Variants in NTN4 observed in about 807,000 individuals in gnomAD.
NTN4 encodes the protein netrin-4.
NTN4 carries 32 observed loss-of-function variants against 73.6 expected under a neutral mutation model. The ratio of observed to expected loss-of-function variants is 0.44; its 90% CI spans 0.33 to 0.58. The LOEUF is 0.58. Ranked by LOEUF, NTN4 falls within the 20% of genes least tolerant of loss-of-function variation. The pLI is 0.04. For synonymous variants in NTN4, 258 were observed against 287.5 expected, an observed-to-expected ratio of 0.90 and a Z score of 1.04; for missense variants, 654 against 798.3, an observed-to-expected ratio of 0.82 and a Z score of 2.18.
intron 5 of NTN4, among the ~76,000 whole-genome samples, chr12:95,698,956 ATTATG>A (rs2078462596): frequency 6.6e-6 from 1 of 151,284 alleles, no homozygotes; most frequent in South Asian, 2.1e-4. Flanking sequence ...TAGTATGATT[ATTATG>A]TTATGACATA....
At position 95,707,159 on chromosome 12, in the gene NTN4, C is replaced by T. The variant is rs528847555; in HGVS notation, c.1180+3282G>A. ...GACCATGCCACTTCTCTGCTGAAAA[C>T]CCTTGCAGTGGCTCATCATTTTACT... On this transcript the variant is annotated intron_variant, in intron 5 of 9. Transcript: ENST00000343702. 5.1e-4 allele frequency among the ~76,000 whole-genome samples: 77 copies of T among 152,278 alleles called. 1 individual carries two copies. The South Asian group carries it at 0.015, about 30-fold the overall frequency.
At chr12:95,772,548 T>A (rs761518052) in intron 2 of NTN4, among the ~76,000 whole-genome samples, 21 of 152,168 alleles carry the variant, frequency 1.4e-4, no homozygotes, top group Non-Finnish European at 2.9e-4. Flanking sequence ...CTCCTACGTA[T>A]CTCCATTTGT....
intron 8 of NTN4, among the ~76,000 whole-genome samples, chr12:95,669,222 AG>A (rs2078207439): frequency 6.6e-6 from 1 of 151,942 alleles, no homozygotes; most frequent in Non-Finnish European, 1.5e-5. Context: ...AAAAAAAAAA[AG>A]TCTCAGACAC....
intron 9 of NTN4, among the ~76,000 whole-genome samples, chr12:95,660,245 C>T (rs1005008765): frequency 6.6e-6 from 1 of 152,026 alleles, no homozygotes; most frequent in Non-Finnish European, 1.5e-5. Context: ...GAACTCCTGA[C>T]CTCAGGTGAT....
chr12:95,673,114 G>GGTGT, intron 7 of NTN4: 1 of 1,036,932 alleles, frequency 9.6e-7, no homozygotes, highest in African/African-American at 1.6e-5. Flanking sequence ...CTCCTTGCCT[G>GGTGT]GTGTGTCCCT....
intron 3 of NTN4, among the ~76,000 whole-genome samples, chr12:95,733,084 G>A (rs1259579102): frequency 1.3e-5 from 2 of 152,228 alleles, no homozygotes; most frequent in African/African-American, 4.8e-5. Context: ...GTGCAGCTCA[G>A]GGCATTTAAA....
intron 3 of NTN4, among the ~76,000 whole-genome samples, chr12:95,734,655 G>A (rs1208432105): frequency 6.6e-6 from 1 of 152,154 alleles, no homozygotes; most frequent in Non-Finnish European, 1.5e-5. Flanking sequence ...CACAAATGTG[G>A]GACAATTAAT....
In NTN4 at chr12:95,697,881, C is replaced by T. The variant is rs528167901; in HGVS notation, c.1180+12560G>A. On this transcript the variant is annotated intron_variant, in intron 5 of 9. Coordinates refer to ENST00000343702, the MANE Select transcript of NTN4 (RefSeq NM_021229.4). The stretch of plus-strand genomic sequence containing the variant: ...TTATATACAGTCATCCCTCAACATC[C>T]GTGGATTCAGCATCCATAGAATCAA... 2.5e-3 allele frequency among the ~76,000 whole-genome samples: 379 copies of T among 152,080 alleles called. 1 individual carries two copies. The highest frequency in any genetic ancestry group is 8.8e-3 in the African/African-American group (365 of 41,474).
In NTN4 at chr12:95,770,988, A is replaced by ATTTTTTTTTTTTTTTTTTTTTT. The variant is rs1460848065; in HGVS notation, c.585+15950_585+15951insAAAAAAAAAAAAAAAAAAAAAA. ...GCAAGATGAACCATCCAGGAAAAGA[A>ATTTTTTTTTTTTTTTTTTTTTT]TTTGTTTTTTTTTTTTTTTGAGACA... is the stretch of plus-strand genomic sequence containing the variant. On this transcript the variant is annotated intron_variant, in intron 2 of 9. Transcript: ENST00000343702. 4.1e-3 allele frequency among the ~76,000 whole-genome samples: 236 copies of ATTTTTTTTTTTTTTTTTTTTTT among 58,006 alleles called. 32 individuals carry two copies. The highest frequency in any genetic ancestry group is 7.6e-3 in the African/African-American group (174 of 22,838). The allele number at this position is 58,006 out of a possible 152,430, so 38.1% of individuals were successfully genotyped here.
At chr12:95,678,118 T>C (rs1272795099) in intron 7 of NTN4, among the ~76,000 whole-genome samples, 1 of 150,972 alleles carries the variant, frequency 6.6e-6, no homozygotes, top group African/African-American at 2.4e-5. Context: ...TTCTCACTTA[T>C]AAGTGGGAGT....
rs907925552 is a variant in NTN4, at chr12:95,781,358, A to C, written c.585+5581T>G. 6.6e-6 allele frequency among the ~76,000 whole-genome samples: 1 copy of C among 152,200 alleles called. No individual in the cohort carries two copies. The highest frequency in any genetic ancestry group is 1.5e-5 in the Non-Finnish European group (1 of 68,040). ...TAAAGCAAATGTGACCCTTAATTATAGGTTTTGTTCACTCATGAAAACTTG... is the reference window on the plus strand; with the variant it reads ...TAAAGCAAATGTGACCCTTAATTATCGGTTTTGTTCACTCATGAAAACTTG... On this transcript the variant is annotated intron_variant, in intron 2 of 9. Coordinates refer to ENST00000343702, the MANE Select transcript of NTN4 (RefSeq NM_021229.4). The surrounding 1 kb of genome is among the most constrained non-coding windows in gnomAD (Gnocchi z 4.1).
At chr12:95,726,210 T>C (rs1464359372) in intron 3 of NTN4, among the ~76,000 whole-genome samples, 1 of 152,164 alleles carries the variant, frequency 6.6e-6, no homozygotes, top group Non-Finnish European at 1.5e-5. Context: ...ATTACCACCA[T>C]CTAATTCCAC....
At chr12:95,672,903 C>G (rs1300682019) in intron 7 of NTN4, 2 of 1,259,078 alleles carry the variant, frequency 1.6e-6, no homozygotes, top group African/African-American at 2.9e-5. Context: ...TGGAAGGTCT[C>G]TCTGAAGAGG....
At chr12:95,681,082 G>A (rs1424453827) in intron 7 of NTN4, among the ~76,000 whole-genome samples, 2 of 151,192 alleles carry the variant, frequency 1.3e-5, no homozygotes, top group African/African-American at 4.9e-5. Flanking sequence ...ACAGCTATTT[G>A]GGAGGCTGAG....
rs546727348 is a variant in NTN4, at chr12:95,772,842, T to C, written c.585+14097A>G. ...GCACCATCAAGTCTAGTCTGAATTA[T>C]TGCAATAGGATTCTAAATGGTCCCC... On this transcript the variant is annotated intron_variant, in intron 2 of 9. Transcript: ENST00000343702. Among the ~76,000 whole-genome samples, 17 of 152,312 alleles carry C rather than the reference T, an allele frequency of 1.1e-4. No individual in the cohort carries two copies. In the East Asian group the frequency reaches 3.3e-3, roughly 29 times the overall value.
chr12:95,750,590 C>T (rs2078898798), intron 2 of NTN4, among the ~76,000 whole-genome samples: 4 of 152,290 alleles, frequency 2.6e-5, no homozygotes, highest in Admixed American at 1.3e-4. Flanking sequence ...AGGTGCCTGA[C>T]GTCCAGGCAT....
chr12:95,673,961 G>A (rs1425250569), intron 7 of NTN4: 1 of 152,110 alleles, frequency 6.6e-6, no homozygotes, highest in Non-Finnish European at 1.5e-5. Context: ...CTTTCTCCAG[G>A]AATGAGTATA....
chr12:95,684,607 G>C (rs1055463301), intron 5 of NTN4, among the ~76,000 whole-genome samples: 3 of 151,462 alleles, frequency 2.0e-5, no homozygotes, highest in Non-Finnish European at 4.4e-5. Context: ...GCGCCTGGCC[G>C]TAAGTCTTTA....
At chr12:95,687,121 C>G (rs2078366751) in intron 5 of NTN4, among the ~76,000 whole-genome samples, 1 of 152,216 alleles carries the variant, frequency 6.6e-6, no homozygotes, top group South Asian at 2.1e-4. Flanking sequence ...TAGCCACTCT[C>G]TCCTCTAAGC....
Sources: gnomAD v4.1 joint callset for allele counts (sites outside exome capture counted in the v4.1 genomes callset) on GRCh38, gnomAD v4.1.1 for gene constraint, Gnocchi (gnomAD v3.1) non-coding constraint, MANE v1.5 for transcripts, NCBI Gene and HGNC (gene_info 2026-07-23, HGNC 2026-07-21) for gene names.